PDILT: variants seen among roughly 807,000 people sequenced by gnomAD.
PDILT encodes protein disulfide-isomerase-like protein of the testis.
A neutral mutation model predicts 53.7 loss-of-function variants in PDILT; 43 were observed. That is an observed-to-expected ratio of 0.80 (90% CI 0.63 to 1.03). The LOEUF (loss-of-function observed/expected upper bound fraction) is 1.03, where lower values mean the gene tolerates loss of function less well. Among genes scored for constraint, PDILT ranks in the 50% least tolerant of loss-of-function variants. The probability of loss-of-function intolerance (pLI) is 0.00; values close to 1 mark genes in which losing one functional copy is unlikely to be tolerated. For missense variants in PDILT, 727 were observed against 712.3 expected (o/e 1.02, Z -0.24); for synonymous variants, 282 against 274.2 (o/e 1.03, Z -0.28).
intron 2 of PDILT, among the ~76,000 whole-genome samples, chr16:20,397,207 G>A (rs66891425): frequency 0.4 from 61,300 of 151,934 alleles, 14,425 homozygotes; most frequent in Non-Finnish European, 0.54. Flanking sequence ...ATGATCACGG[G>A]TCGCTGCAGT....
intron 2 of PDILT, among the ~76,000 whole-genome samples, chr16:20,394,992 C>G (rs1402165156): frequency 6.6e-6 from 1 of 152,106 alleles, no homozygotes; most frequent in African/African-American, 2.4e-5. Flanking sequence ...TTTAAGATAA[C>G]TAGTCAAAAT....
intron 8 of PDILT, among the ~76,000 whole-genome samples, chr16:20,366,084 C>T (rs1465847852): frequency 1.5e-5 from 2 of 129,944 alleles, no homozygotes; most frequent in African/African-American, 3.1e-5. Context: ...AGCAAGATTT[C>T]GTCTCCAAAA....
At chr16:20,386,095 G>C (rs906685108) in intron 2 of PDILT, 5 of 152,224 alleles carry the variant, frequency 3.3e-5, no homozygotes, top group Non-Finnish European at 5.9e-5. Flanking sequence ...GTCTCGAAGA[G>C]ACCTGGAACT....
Position 20,369,663 on chromosome 16 carries a change from G to C in PDILT, c.945C>G (p.Asp315Glu). The C allele has an allele frequency of 5.6e-6, 9 of 1,614,160 alleles. No homozygotes were observed. Among genetic ancestry groups the C allele is most frequent in the Non-Finnish European group, 7.6e-6 (9 of 1,180,036 alleles). The change falls in exon 8 of 12, where the codon GAC (aspartate) becomes GAG (glutamate). Residue 315 changes from aspartate (D) to glutamate (E), a missense_variant. Physicochemically the swap from Asp to Glu is conservative, Grantham distance 45 (BLOSUM62 2). Transcript: ENST00000302451. ...NKILFILVDA[D>E]EPRNGRVFKY... ...TGAAGACACGTCCATTTCTGGGTTC[G>C]TCTGCATCCACAAGGATGAAAAGGA...
chr16:20,389,279 T>A (rs1321128819), intron 2 of PDILT, among the ~76,000 whole-genome samples: 1 of 152,144 alleles, frequency 6.6e-6, no homozygotes, highest in East Asian at 1.9e-4. Flanking sequence ...CCAGGAAAGT[T>A]GTTTTTATTT....
chr16:20,403,624 C>T (rs1397368699), intron 1 of PDILT, among the ~76,000 whole-genome samples: 1 of 151,554 alleles, frequency 6.6e-6, no homozygotes, highest in Non-Finnish European at 1.5e-5. Flanking sequence ...TCCATCACAC[C>T]ACTGTGCCTA....
rs1214131803 is a variant in PDILT at position 20,359,416 on chromosome 16, C to G, written c.1658G>C (p.Gly553Ala). 2 of 1,614,144 alleles carry G rather than the reference C, an allele frequency of 1.2e-6. No homozygotes were observed. Among genetic ancestry groups the G allele is most frequent in the Admixed American group, 3.3e-5 (2 of 60,016 alleles). Residue 553 changes from glycine to alanine, a missense_variant, in exon 12 of 12, where the codon GGG (glycine) becomes GCG (alanine). Gly to Ala is a moderately conservative substitution (Grantham distance 60, BLOSUM62 0). Transcript: ENST00000302451. ...CACCTCCTCAGATGTTTTCTTCTTC[C>G]CAGCGGGCTCTTCCAGCTTGGATAC... ...KYVSKLEEPA[G>A]KKKTSEEVVV...
At chr16:20,372,001 TCA>T (rs765255813) in intron 7 of PDILT, among the ~76,000 whole-genome samples, 12 of 152,152 alleles carry the variant, frequency 7.9e-5, no homozygotes, top group Non-Finnish European at 1.8e-4. Context: ...TTATTTAATT[TCA>T]GATTAATTTT....
rs1415856185 is a variant in PDILT, at chr16:20,359,449, G to T, written c.1625C>A (p.Thr542Asn). 6.2e-7 allele frequency: 1 copy of T among 1,613,936 alleles called. No homozygotes were observed. Among genetic ancestry groups the T allele is most frequent in the Non-Finnish European group, 8.5e-7 (1 of 1,180,040 alleles). Reference protein sequence around the residue: ...EQQSPELENMTKYVSKLEEPA... With the variant: ...EQQSPELENMNKYVSKLEEPA... Reference sequence around the variant, plus strand: ...CTCTTCCAGCTTGGATACGTACTTGGTCATGTTCTCCAGCTCAGGCGACTG... The same window carrying T: ...CTCTTCCAGCTTGGATACGTACTTGTTCATGTTCTCCAGCTCAGGCGACTG... Residue 542 changes from threonine (T) to asparagine (N), a missense_variant, in exon 12 of 12, where the codon ACC becomes AAC. Coordinates refer to ENST00000302451, the MANE Select transcript of PDILT (RefSeq NM_174924.2).
At chr16:20,393,368 C>A (rs191466959) in intron 2 of PDILT, among the ~76,000 whole-genome samples, 3 of 152,176 alleles carry the variant, frequency 2.0e-5, no homozygotes, top group Non-Finnish European at 4.4e-5. Flanking sequence ...AGCTGGCATC[C>A]TGAAGAACAG....
chr16:20,385,791 G>A (rs748780863), intron 2 of PDILT, among the ~76,000 whole-genome samples: 20 of 152,108 alleles, frequency 1.3e-4, no homozygotes, highest in Admixed American at 7.9e-4. Flanking sequence ...TCACATTTAT[G>A]GAATTGTTAA....
At chr16:20,394,356 G>A (rs1475304061) in intron 2 of PDILT, among the ~76,000 whole-genome samples, 1 of 152,186 alleles carries the variant, frequency 6.6e-6, no homozygotes, top group Admixed American at 6.6e-5. Flanking sequence ...TCTGAACAAA[G>A]GTCATTTCAA....
intron 2 of PDILT, 73 bp downstream of exon 2, chr16:20,399,026 C>A (rs922477321): frequency 9.8e-6 from 15 of 1,527,136 alleles, no homozygotes; most frequent in Non-Finnish European, 1.3e-5. Context: ...ATATAAAACT[C>A]TTCTGGTCCC....
intron 8 of PDILT, among the ~76,000 whole-genome samples, chr16:20,368,992 T>C (rs1175732371): frequency 2.0e-5 from 3 of 152,164 alleles, no homozygotes; most frequent in Non-Finnish European, 4.4e-5. Context: ...TGACTACGTG[T>C]TCCATGTGTT....
rs562593152 is a variant in PDILT at position 20,366,034 on chromosome 16, G to A, written c.1117-494C>T. ...GAACCCAGGAGGCAGAGGTTGCAGT[G>A]AGCAGAGATTGCGCTACTGCACACC... On this transcript the variant is annotated intron_variant, in intron 8 of 11. Coordinates refer to ENST00000302451, the MANE Select transcript of PDILT (RefSeq NM_174924.2). Among the ~76,000 whole-genome samples the A allele has an allele frequency of 2.7e-5, 4 of 148,524 alleles. No homozygotes were observed. In the East Asian group the frequency reaches 6.0e-4, roughly 22 times the overall value.
chr16:20,362,212 T>C (rs548296529), intron 10 of PDILT, among the ~76,000 whole-genome samples, 192 bp downstream of exon 10: 4 of 152,310 alleles, frequency 2.6e-5, no homozygotes, highest in East Asian at 1.9e-4. Context: ...CACCCAATGA[T>C]AGTGAGTCTC....
chr16:20,382,567 T>TCTAC, intron 3 of PDILT, among the ~76,000 whole-genome samples: 1 of 152,224 alleles, frequency 6.6e-6, no homozygotes, highest in Non-Finnish European at 1.5e-5. Flanking sequence ...AGGAAGTTAT[T>TCTAC]CTACCTTTCT....
At chr16:20,392,787 A>G (rs1192610180) in intron 2 of PDILT, among the ~76,000 whole-genome samples, 1 of 152,214 alleles carries the variant, frequency 6.6e-6, no homozygotes, top group African/African-American at 2.4e-5. Flanking sequence ...ATGCAATTCA[A>G]GAATGTGAAA....
At chr16:20,367,033 TTC>T (rs1307288015) in intron 8 of PDILT, among the ~76,000 whole-genome samples, 1 of 10,680 alleles carries the variant, frequency 9.4e-5, no homozygotes, top group Admixed American at 8.0e-4. Flanking sequence ...TCTTCTTTCT[TTC>T]TTTCTTTCTT....
Sources: allele counts gnomAD v4.1 joint callset (sites outside exome capture counted in the v4.1 genomes callset), GRCh38; gene constraint gnomAD v4.1.1; transcripts MANE v1.5; gene names NCBI Gene and HGNC (gene_info 2026-07-23, HGNC 2026-07-21).